The following BTBD9 variants were observed in gnomAD, a reference collection of about 807,000 sequenced individuals.
BTBD9 encodes the protein BTB domain containing 9.
A neutral mutation model predicts 64.3 loss-of-function variants in BTBD9; 49 were observed. The ratio of observed to expected loss-of-function variants is 0.76; its 90% confidence interval spans 0.61 to 0.97. The LOEUF (loss-of-function observed/expected upper bound fraction) is 0.97, where lower values mean the gene tolerates loss of function less well. Ranked by LOEUF, BTBD9 falls within the 50% of genes least tolerant of loss-of-function variation. The pLI is 0.00. For missense variants in BTBD9, 598 were observed against 762.1 expected, an observed-to-expected ratio of 0.78 and a Z score of 2.53; for synonymous variants, 260 against 274.7, an observed-to-expected ratio of 0.95 and a Z score of 0.53.
At chr6:38,258,946 T>A (rs1764703907) in intron 8 of BTBD9, among the ~76,000 whole-genome samples, 1 of 152,248 alleles carries the variant, frequency 6.6e-6, no homozygotes, top group Non-Finnish European at 1.5e-5. Flanking sequence ...CCAACATTTC[T>A]TTAATGTTAA....
chr6:38,527,263 CAAAAAAAAAAAAAAAAAAAAAAAAAAA>C (rs55979438), intron 6 of BTBD9, among the ~76,000 whole-genome samples: 1 of 53,306 alleles, frequency 1.9e-5, no homozygotes, highest in Non-Finnish European at 3.0e-5. Context: ...GACTCTGTCT[CAAAAAAAAAAAAAAAAAAAAAAAAAAA>C]AAAAAAGATG....
At chr6:38,423,883 A>G (rs1450938182) in intron 6 of BTBD9, among the ~76,000 whole-genome samples, 2 of 150,694 alleles carry the variant, frequency 1.3e-5, no homozygotes, top group African/African-American at 2.5e-5. Flanking sequence ...TATATTTTTA[A>G]GTAGTTCACG....
chr6:38,615,967 C>T (rs566708030), intron 1 of BTBD9, among the ~76,000 whole-genome samples: 110 of 152,218 alleles, frequency 7.2e-4, no homozygotes, highest in African/African-American at 2.5e-3. Context: ...CCATATAATC[C>T]CCTCCCCTTG....
chr6:38,305,237 T>C (rs1380327832), intron 7 of BTBD9, among the ~76,000 whole-genome samples: 1 of 152,090 alleles, frequency 6.6e-6, no homozygotes, highest in African/African-American at 2.4e-5. Context: ...AATCTCTGGG[T>C]CTTGACCTAA....
In BTBD9 at chr6:38,597,894, A is replaced by C; in HGVS notation, c.185+16T>G. 1 of 1,603,080 alleles carries C rather than the reference A, an allele frequency of 6.2e-7. No homozygotes were observed. Among genetic ancestry groups the C allele is most frequent in the Non-Finnish European group, 8.5e-7 (1 of 1,174,922 alleles). ...ACAAGTGAACTAAATTTTCAAAAAA[A>C]GTATTACACACTTACCGAAAATATT... On this transcript the variant is annotated intron_variant, in intron 2 of 10. Transcript: ENST00000481247.
At chr6:38,292,760 A>C (rs1194411851) in intron 7 of BTBD9, among the ~76,000 whole-genome samples, 1 of 152,096 alleles carries the variant, frequency 6.6e-6, no homozygotes, top group Non-Finnish European at 1.5e-5. Flanking sequence ...CAATCTTTTC[A>C]AAAAACCAGC....
At chr6:38,527,787 T>C (rs1468218023) in intron 6 of BTBD9, among the ~76,000 whole-genome samples, 6 of 136,466 alleles carry the variant, frequency 4.4e-5, no homozygotes, top group African/African-American at 1.9e-4. Context: ...AAGGAAAGAC[T>C]CTATCACCAT....
At chr6:38,471,240 A>T (rs1770638124) in intron 6 of BTBD9, among the ~76,000 whole-genome samples, 1 of 152,202 alleles carries the variant, frequency 6.6e-6, no homozygotes, top group Non-Finnish European at 1.5e-5. Context: ...CTAACTGGCA[A>T]CTAACATCAG....
At chr6:38,604,750 G>A (rs1777369811) in intron 1 of BTBD9, among the ~76,000 whole-genome samples, 1 of 152,174 alleles carries the variant, frequency 6.6e-6, no homozygotes, top group African/African-American at 2.4e-5. Context: ...ATGAGAGTAA[G>A]GGTTAATATT....
chr6:38,597,193 G>C (rs34841627), intron 2 of BTBD9, among the ~76,000 whole-genome samples: 32,582 of 152,102 alleles, frequency 0.21, 3,794 homozygotes, highest in Middle Eastern at 0.3. Context: ...AGACACTGCA[G>C]TTATCACTAC....
At chr6:38,536,143 T>C (rs1162220396) in intron 6 of BTBD9, among the ~76,000 whole-genome samples, 3 of 151,766 alleles carry the variant, frequency 2.0e-5, no homozygotes, top group Non-Finnish European at 4.4e-5. Context: ...CAAACAACTC[T>C]CTAAGAAAAA....
intron 6 of BTBD9, among the ~76,000 whole-genome samples, chr6:38,434,982 G>C (rs546667369): frequency 6.6e-6 from 1 of 151,804 alleles, no homozygotes; most frequent in Non-Finnish European, 1.5e-5. Context: ...ATCACCTGAG[G>C]TCGGGAGTTC....
intron 6 of BTBD9, among the ~76,000 whole-genome samples, chr6:38,513,796 C>T (rs1772885610): frequency 6.6e-6 from 1 of 152,148 alleles, no homozygotes; most frequent in South Asian, 2.1e-4. Context: ...GAGAGGAAGG[C>T]TGTCTGTGCG....
At chr6:38,624,021 G>A (rs1021524162) in intron 1 of BTBD9, among the ~76,000 whole-genome samples, 3 of 152,188 alleles carry the variant, frequency 2.0e-5, no homozygotes, top group South Asian at 4.1e-4. Context: ...TGGGTGTCCT[G>A]TTTAGAGGGG....
At position 38,364,680 on chromosome 6, in the gene BTBD9, T is replaced by C. The variant is rs79355679; in HGVS notation, c.1155-19587A>G. Among the ~76,000 whole-genome samples the C allele has an allele frequency of 6.8e-3, 1,041 of 152,294 alleles. 12 individuals are homozygous for C. Among genetic ancestry groups the C allele is most frequent in the African/African-American group, 0.024 (1,006 of 41,562 alleles). Reference sequence around the variant, plus strand: ...TTATATAATAAATCACAACAAATAGTAGTCAAAATGGTTTTCTGCGTAGTT... The same window carrying C: ...TTATATAATAAATCACAACAAATAGCAGTCAAAATGGTTTTCTGCGTAGTT... On this transcript the variant is annotated intron_variant, in intron 6 of 10. Coordinates refer to ENST00000481247, the MANE Select transcript of BTBD9 (RefSeq NM_001099272.2).
chr6:38,540,366 A>G (rs759945639), intron 6 of BTBD9, among the ~76,000 whole-genome samples: 6 of 152,242 alleles, frequency 3.9e-5, no homozygotes, highest in Non-Finnish European at 7.3e-5. Context: ...ATTTTATGGA[A>G]TAGGCTAGTA....
rs114329881 is a variant in BTBD9, at chr6:38,269,409, T to C, written c.1455-12893A>G. Among the ~76,000 whole-genome samples the C allele has an allele frequency of 4.2e-3, 646 of 152,332 alleles. 3 individuals carry two copies. The highest frequency in any genetic ancestry group is 0.014 in the African/African-American group (594 of 41,568). On this transcript the variant is annotated intron_variant, in intron 8 of 10. Transcript: ENST00000481247. ...AAAAATGGCTCATTAAGTTTTTCAGTGCAATTCTTTTGATCACTGGCCACT... is the reference window on the plus strand; with the variant it reads ...AAAAATGGCTCATTAAGTTTTTCAGCGCAATTCTTTTGATCACTGGCCACT...
intron 6 of BTBD9, among the ~76,000 whole-genome samples, chr6:38,560,615 G>A (rs1775224461): frequency 1.3e-5 from 2 of 151,940 alleles, no homozygotes; most frequent in African/African-American, 4.8e-5. Context: ...GGATACATGT[G>A]CAGGTTTATT....
Position 38,317,812 on chromosome 6 carries a change from T to C in BTBD9, c.1264+27172A>G, listed in dbSNP as rs528581851. ...TCCAATGCATTCTTCAGTATGTCCA[T>C]TGCATTTTTCAATCCAGAATTTCTG... On this transcript the variant is annotated intron_variant, in intron 7 of 10. Coordinates refer to ENST00000481247, the MANE Select transcript of BTBD9 (RefSeq NM_001099272.2). Among the ~76,000 whole-genome samples the C allele has an allele frequency of 7.1e-4, 108 of 152,304 alleles. 1 individual carries two copies. The highest frequency in any genetic ancestry group is 2.5e-3 in the African/African-American group (102 of 41,584).
Sources: gnomAD v4.1 joint callset for allele counts (sites outside exome capture counted in the v4.1 genomes callset) on GRCh38, gnomAD v4.1.1 for gene constraint, MANE v1.5 for transcripts, NCBI Gene and HGNC (gene_info 2026-07-23, HGNC 2026-07-21) for gene names.